CRTC3: variants seen among roughly 807,000 people sequenced by gnomAD.
The protein encoded by CRTC3 is CREB regulated transcription coactivator 3, also known as CREB-regulated transcription coactivator 3.
CRTC3 carries 26 observed loss-of-function variants against 74.5 expected under a neutral mutation model. That is an observed-to-expected ratio of 0.35 (90% CI 0.26 to 0.48). CRTC3 has a LOEUF of 0.48. CRTC3 is among the 20% of genes least tolerant of loss of function. The probability of loss-of-function intolerance (pLI) is 0.99; values close to 1 mark genes in which losing one functional copy is unlikely to be tolerated. For synonymous variants in CRTC3, 377 were observed against 325.8 expected (o/e 1.16, Z -1.69); for missense variants, 760 against 787.3 (o/e 0.97, Z 0.41).
intron 2 of CRTC3, among the ~76,000 whole-genome samples, chr15:90,576,366 G>T (rs1202130196): frequency 6.6e-6 from 1 of 152,094 alleles, no homozygotes; most frequent in Non-Finnish European, 1.5e-5. Flanking sequence ...AAACTTTCTG[G>T]GTTAGGCCGT....
chr15:90,534,662 C>T (rs920031845), intron 1 of CRTC3, among the ~76,000 whole-genome samples: 12 of 152,148 alleles, frequency 7.9e-5, no homozygotes, highest in East Asian at 1.9e-4. Flanking sequence ...GATAATCCAA[C>T]GACACTCACC....
At chr15:90,598,239 C>T in intron 3 of CRTC3, 1 of 580,298 alleles carries the variant, frequency 1.7e-6, no homozygotes, top group Non-Finnish European at 3.1e-6. Flanking sequence ...GGACGGGAAG[C>T]CAAGAGAAGG....
At chr15:90,562,050 T>C (rs1362574010) in intron 2 of CRTC3, among the ~76,000 whole-genome samples, 2 of 152,230 alleles carry the variant, frequency 1.3e-5, no homozygotes, top group Non-Finnish European at 2.9e-5. Flanking sequence ...AGATAGCTAA[T>C]GTCTTAGCTC....
At chr15:90,588,920 GTTA>G (rs1275500385) in intron 2 of CRTC3, among the ~76,000 whole-genome samples, 1 of 152,182 alleles carries the variant, frequency 6.6e-6, no homozygotes, top group Non-Finnish European at 1.5e-5. Context: ...GCCTGTGGAA[GTTA>G]TTATCATTTC....
chr15:90,597,269 G>A (rs914586130), intron 3 of CRTC3, among the ~76,000 whole-genome samples: 1 of 152,246 alleles, frequency 6.6e-6, no homozygotes, highest in Admixed American at 6.5e-5. Flanking sequence ...TGGCAGACGT[G>A]CCGTGTCCCA....
intron 4 of CRTC3, among the ~76,000 whole-genome samples, chr15:90,603,181 T>C (rs11854778): frequency 0.05 from 7,621 of 152,112 alleles, 529 homozygotes; most frequent in African/African-American, 0.16. Flanking sequence ...CGGTGGCTCA[T>C]GCCTGTAATC....
In CRTC3 at chr15:90,543,325, CCTGT is replaced by C. The variant is rs1464241691; in HGVS notation, c.231+3194_231+3197del. Among the ~76,000 whole-genome samples the C allele has an allele frequency of 4.9e-5, 7 of 141,980 alleles. No individual in the cohort carries two copies. The East Asian group carries it at 1.2e-3, about 25-fold the overall frequency. The allele number at this position is 141,980 out of a possible 152,430, so 93.1% of individuals were successfully genotyped here. On this transcript the variant is annotated intron_variant, in intron 2 of 14. Transcript: ENST00000268184. ...CAAAAAAAAAAAAAAAAAAAGGTGG[CCTGT>C]CTGTCAGGCTTCCCCATTTAAAGTA...
intron 2 of CRTC3, among the ~76,000 whole-genome samples, chr15:90,554,299 G>A (rs1966871911): frequency 6.6e-6 from 1 of 151,910 alleles, no homozygotes; most frequent in Non-Finnish European, 1.5e-5. Flanking sequence ...CCTCTCCTGG[G>A]CTCAAGCAGT....
chr15:90,634,398 C>G (rs1322103957), intron 11 of CRTC3, among the ~76,000 whole-genome samples: 1 of 152,222 alleles, frequency 6.6e-6, no homozygotes, highest in African/African-American at 2.4e-5. Flanking sequence ...CAGGCGTGAG[C>G]CAGCACGCCA....
At chr15:90,612,094 GCCTCTGCCTCCT>G (rs1968376524) in intron 6 of CRTC3, among the ~76,000 whole-genome samples, 1 of 106,214 alleles carries the variant, frequency 9.4e-6, no homozygotes. Flanking sequence ...CTCCTCCTCC[GCCTCTGCCTCCT>G]CCTCACACTG....
chr15:90,546,351 T>A (rs1048366811), intron 2 of CRTC3, among the ~76,000 whole-genome samples: 1 of 152,198 alleles, frequency 6.6e-6, no homozygotes, highest in Non-Finnish European at 1.5e-5. Context: ...ATTGACCATA[T>A]ACATGTGGGT....
intron 2 of CRTC3, among the ~76,000 whole-genome samples, chr15:90,559,056 A>G (rs144831737): frequency 2.7e-3 from 412 of 151,994 alleles, no homozygotes; most frequent in African/African-American, 8.8e-3. Context: ...CTGTCCTACT[A>G]TGTATTTTTA....
chr15:90,634,107 T>A (rs1453194980), intron 11 of CRTC3, among the ~76,000 whole-genome samples: 1 of 122,924 alleles, frequency 8.1e-6, no homozygotes, highest in Non-Finnish European at 1.8e-5. Flanking sequence ...TCATTTACCC[T>A]CAACAATTAA....
At chr15:90,586,328 T>C (rs1407877971) in intron 2 of CRTC3, among the ~76,000 whole-genome samples, 11 of 151,834 alleles carry the variant, frequency 7.2e-5, no homozygotes, top group Non-Finnish European at 1.5e-4. Flanking sequence ...TTTCTGCATG[T>C]TTTTAATATA....
rs1968439401 is a variant in CRTC3 at position 90,614,498 on chromosome 15, G to C, written c.613+10G>C. The C allele has an allele frequency of 8.2e-6, 13 of 1,583,678 alleles. No homozygotes were observed. In the South Asian group the frequency reaches 1.2e-4, roughly 15 times the overall value. Reference sequence around the variant, plus strand: ...AATGGACATGGGGAAGGTATGAACTGATTTTACCTACCTATATTGGAGTGG... The same window carrying C: ...AATGGACATGGGGAAGGTATGAACTCATTTTACCTACCTATATTGGAGTGG... On this transcript the variant is annotated intron_variant, in intron 7 of 14. Coordinates refer to ENST00000268184, the MANE Select transcript of CRTC3 (RefSeq NM_022769.5).
intron 2 of CRTC3, among the ~76,000 whole-genome samples, chr15:90,570,907 G>A (rs890805014): frequency 6.6e-6 from 1 of 152,084 alleles, no homozygotes; most frequent in African/African-American, 2.4e-5. Context: ...TGACCAAAAC[G>A]ACTGTGTCTG....
intron 2 of CRTC3, among the ~76,000 whole-genome samples, chr15:90,555,477 C>A (rs1490869201): frequency 1.3e-5 from 2 of 152,104 alleles, no homozygotes; most frequent in Admixed American, 1.3e-4. Flanking sequence ...AACTATAGCA[C>A]AAAGACGTTA....
chr15:90,545,485 C>T (rs370482776), intron 2 of CRTC3, among the ~76,000 whole-genome samples: 85 of 151,326 alleles, frequency 5.6e-4, no homozygotes, highest in African/African-American at 1.0e-3. Flanking sequence ...CTGCTGCCTC[C>T]GCCTCCCAGG....
rs1968816573 is a variant in CRTC3, at chr15:90,625,884, G to T, written c.858G>T (p.Leu286=). ...CCAACCTCCACTACTCGACACCCCT[G>T]CCAGCCTCCCTGGACACCACCGACC... ...DLTNLHYSTP[L]PASLDTTDHH... Residue 286 remains leucine (L), a synonymous_variant, in exon 10 of 15, where the codon CTG becomes CTT. Transcript: ENST00000268184. 3 of 1,614,156 alleles carry T rather than the reference G, an allele frequency of 1.9e-6. No individual in the cohort carries two copies. In the East Asian group the frequency reaches 6.7e-5, roughly 36 times the overall value.
Sources: gnomAD v4.1 joint callset for allele counts (sites outside exome capture counted in the v4.1 genomes callset) on GRCh38, gnomAD v4.1.1 for gene constraint, MANE v1.5 for transcripts, NCBI Gene and HGNC (gene_info 2026-07-23, HGNC 2026-07-21) for gene names.